The following STMND1 variants were observed in gnomAD, a reference collection of about 807,000 sequenced individuals.
STMND1 encodes the protein stathmin domain containing 1.
STMND1 carries 17 observed loss-of-function variants against 23.0 expected under a neutral mutation model. The ratio of observed to expected loss-of-function variants is 0.74; its 90% CI spans 0.51 to 1.11. STMND1 has a LOEUF of 1.11. Ranked by LOEUF, STMND1 falls within the 50% of genes least tolerant of loss-of-function variation. The pLI is 0.00. For synonymous variants in STMND1, 114 were observed against 119.9 expected (o/e 0.95, Z 0.32); for missense variants, 305 against 329.1 (o/e 0.93, Z 0.57).
intron 2 of STMND1, among the ~76,000 whole-genome samples, chr6:17,117,286 C>T (rs1166754127): frequency 2.0e-5 from 3 of 152,114 alleles, no homozygotes; most frequent in Non-Finnish European, 4.4e-5. Context: ...TCAGTCTGGC[C>T]TCGAACTCCT....
intron 1 of STMND1, among the ~76,000 whole-genome samples, chr6:17,106,827 C>T (rs1761031432): frequency 6.6e-6 from 1 of 152,086 alleles, no homozygotes; most frequent in South Asian, 2.1e-4. Context: ...CAGACTTTCC[C>T]TTCACTTTTA....
chr6:17,114,837 C>A, intron 1 of STMND1, 125 bp from the exon 2 acceptor site: 4 of 1,046,426 alleles, frequency 3.8e-6, no homozygotes, highest in East Asian at 2.8e-5. Context: ...CGATCTATGG[C>A]TTTCTGGTTA....
chr6:17,118,809 A>C (rs1761192279), intron 2 of STMND1, among the ~76,000 whole-genome samples: 1 of 152,194 alleles, frequency 6.6e-6, no homozygotes, highest in Admixed American at 6.5e-5. Context: ...CCTGGATAAC[A>C]CACATGCTAC....
chr6:17,131,068 A>G lies in STMND1; in HGVS notation c.*187A>G. On this transcript the variant is annotated 3_prime_UTR_variant, in exon 5 of 5. Transcript: ENST00000536551. ...AAATTAAGTAGCTATGCTAGCTTTT[A>G]AAAAAAGAGCGAGGGGGAGACTTGA... 1.9e-6 allele frequency: 1 copy of G among 523,760 alleles called. No individual in the cohort carries two copies. The highest frequency in any genetic ancestry group is 3.2e-6 in the Non-Finnish European group (1 of 308,994). 32.4% of individuals were successfully genotyped at this position (523,760 alleles called of 1,614,324 possible).
chr6:17,105,819 G>A (rs1317645754), intron 1 of STMND1, among the ~76,000 whole-genome samples: 6 of 151,972 alleles, frequency 3.9e-5, no homozygotes, highest in African/African-American at 7.3e-5. Context: ...CAGCTACTCC[G>A]GAGGCTGAGG....
At chr6:17,129,361 T>A (rs1195521622) in intron 4 of STMND1, 118 bp downstream of exon 4, 51 of 985,596 alleles carry the variant, frequency 5.2e-5, no homozygotes, top group Non-Finnish European at 7.0e-5. Flanking sequence ...TAATCAGTAT[T>A]TTTTTTATTA....
At chr6:17,107,514 C>G (rs907877715) in intron 1 of STMND1, among the ~76,000 whole-genome samples, 5 of 152,314 alleles carry the variant, frequency 3.3e-5, no homozygotes, top group African/African-American at 1.2e-4. Context: ...ATTCTACTCA[C>G]CATTCCATCC....
chr6:17,118,320 A>T (rs1761186820), intron 2 of STMND1, among the ~76,000 whole-genome samples: 1 of 152,196 alleles, frequency 6.6e-6, no homozygotes, highest in Non-Finnish European at 1.5e-5. Flanking sequence ...GTATGATGTC[A>T]AACTTATAAA....
chr6:17,120,906 C>G (rs1159759392), intron 3 of STMND1, 148 bp downstream of exon 3: 5 of 677,120 alleles, frequency 7.4e-6, no homozygotes, highest in African/African-American at 7.2e-5. Flanking sequence ...AAATTCCCCC[C>G]ACATCTCTGC....
chr6:17,113,470 A>G (rs995837213), intron 1 of STMND1, among the ~76,000 whole-genome samples: 20 of 152,196 alleles, frequency 1.3e-4, no homozygotes, highest in Admixed American at 1.2e-3. Context: ...AAGTCAATTC[A>G]TTATTTATAT....
At chr6:17,124,677 A>T (rs568191021) in intron 3 of STMND1, among the ~76,000 whole-genome samples, 1 of 152,298 alleles carries the variant, frequency 6.6e-6, no homozygotes, top group East Asian at 1.9e-4. Context: ...CGAGATGTTT[A>T]TGCGAGAATA....
At chr6:17,120,099 C>T (rs1392145312) in intron 2 of STMND1, among the ~76,000 whole-genome samples, 3 of 152,122 alleles carry the variant, frequency 2.0e-5, no homozygotes, top group Non-Finnish European at 2.9e-5. Flanking sequence ...TTCAAAAAGG[C>T]GTACTTTTAC....
At chr6:17,112,153 C>A (rs1761104015) in intron 1 of STMND1, among the ~76,000 whole-genome samples, 1 of 152,150 alleles carries the variant, frequency 6.6e-6, no homozygotes, top group African/African-American at 2.4e-5. Flanking sequence ...AATCCTCGTT[C>A]CCCCACCCTA....
chr6:17,112,916 C>T (rs754015845), intron 1 of STMND1, among the ~76,000 whole-genome samples: 10 of 152,234 alleles, frequency 6.6e-5, no homozygotes, highest in Non-Finnish European at 1.3e-4. Flanking sequence ...AATTTCTCCA[C>T]ATCCTCACCA....
chr6:17,125,793 G>T (rs1040235383), intron 3 of STMND1, among the ~76,000 whole-genome samples: 1 of 151,842 alleles, frequency 6.6e-6, no homozygotes, highest in African/African-American at 2.4e-5. Flanking sequence ...TTCATCCGTA[G>T]GTCAATAGTT....
chr6:17,129,359 A>AT (rs1363008380), intron 4 of STMND1, 116 bp downstream of exon 4: 62 of 984,062 alleles, frequency 6.3e-5, no homozygotes, highest in Middle Eastern at 3.5e-4. Context: ...TATAATCAGT[A>AT]TTTTTTTTAT....
chr6:17,102,368 A>AG lies in STMND1; in HGVS notation c.81+30_81+31insG, dbSNP rs760867498. The AG allele has an allele frequency of 2.0e-4, 304 of 1,534,482 alleles. 4 individuals are homozygous for AG. The East Asian group carries it at 5.1e-3, about 26-fold the overall frequency. On this transcript the variant is annotated intron_variant, in intron 1 of 4. Coordinates refer to ENST00000536551, the MANE Select transcript of STMND1 (RefSeq NM_001190766.2). ...TAAACAAACAAACAAACAAACAAAC[A>AG]AACAGACAGAAAGCCTTTTGCCTGG...
intron 2 of STMND1, among the ~76,000 whole-genome samples, chr6:17,119,795 A>G (rs1242327625): frequency 6.6e-6 from 1 of 152,164 alleles, no homozygotes; most frequent in Non-Finnish European, 1.5e-5. Context: ...TGATGTCAGC[A>G]TAGAAGATAG....
In STMND1 at chr6:17,129,256, C is replaced by T. The variant is rs532112701; in HGVS notation, c.543+13C>T. 2.0e-6 allele frequency: 3 copies of T among 1,535,612 alleles called. No individual in the cohort carries two copies. The highest frequency in any genetic ancestry group is 4.9e-5 in the East Asian group (2 of 40,904). ...GGAGCGCAGGAAGGTAGTGAGCTCT[C>T]AGATGCTCTAGGCTTGAGGAGTTCG... On this transcript the variant is annotated intron_variant, in intron 4 of 4. Coordinates refer to ENST00000536551, the MANE Select transcript of STMND1 (RefSeq NM_001190766.2).
Sources: allele counts gnomAD v4.1 joint callset (sites outside exome capture counted in the v4.1 genomes callset), GRCh38; gene constraint gnomAD v4.1.1; transcripts MANE v1.5; gene names NCBI Gene and HGNC (gene_info 2026-07-23, HGNC 2026-07-21).